The following MAP3K7 variants were observed in gnomAD, a reference collection of about 807,000 sequenced individuals.
MAP3K7 encodes the protein mitogen-activated protein kinase kinase kinase 7.
MAP3K7 carries 21 observed loss-of-function variants against 84.8 expected under a neutral mutation model. That is an observed-to-expected ratio of 0.25 (90% confidence interval 0.18 to 0.36). The LOEUF is 0.36. Ranked by LOEUF, MAP3K7 falls within the 10% of genes least tolerant of loss-of-function variation. MAP3K7 has a pLI of 1.00. For missense variants in MAP3K7, 503 were observed against 747.7 expected, an observed-to-expected ratio of 0.67 and a Z score of 3.82; for synonymous variants, 241 against 247.7, an observed-to-expected ratio of 0.97 and a Z score of 0.25.
intron 1 of MAP3K7, among the ~76,000 whole-genome samples, chr6:90,586,188 A>C (rs1042561711): frequency 6.6e-6 from 1 of 151,522 alleles, no homozygotes; most frequent in Non-Finnish European, 1.5e-5. Context: ...CTGGCTAACA[A>C]GGTGAAACCC....
chr6:90,558,888 A>C, intron 5 of MAP3K7, among the ~76,000 whole-genome samples: 1 of 152,348 alleles, frequency 6.6e-6, no homozygotes, highest in Admixed American at 6.5e-5. Context: ...AGACTCTTTT[A>C]GGAAAAGAAT....
chr6:90,520,425 G>A lies in MAP3K7; in HGVS notation c.1463-1106C>T, dbSNP rs200514862. Among the ~76,000 whole-genome samples the A allele has an allele frequency of 5.9e-5, 9 of 151,426 alleles. No individual in the cohort carries two copies. The South Asian group carries it at 6.3e-4, about 11-fold the overall frequency. ...TTGTTTTTTTAAAGCCACTGAGAAC[G>A]TGCTCTCAAGAAACTCCAAAAGCTA... On this transcript the variant is annotated intron_variant, in intron 14 of 16. Coordinates refer to ENST00000369329, the MANE Select transcript of MAP3K7 (RefSeq NM_145331.3).
At chr6:90,570,453 A>G (rs1022250877) in intron 2 of MAP3K7, among the ~76,000 whole-genome samples, 1 of 152,164 alleles carries the variant, frequency 6.6e-6, no homozygotes, top group Admixed American at 6.5e-5. Flanking sequence ...CCTTGACTTC[A>G]AACAGCTCAA....
intron 2 of MAP3K7, 72 bp downstream of exon 2, chr6:90,571,625 T>G: frequency 3.4e-6 from 3 of 889,328 alleles, no homozygotes; most frequent in Non-Finnish European, 4.9e-6. Flanking sequence ...GAAACCAATC[T>G]TTTTCATAAT....
chr6:90,584,000 A>C (rs1777363141), intron 1 of MAP3K7, among the ~76,000 whole-genome samples: 1 of 152,232 alleles, frequency 6.6e-6, no homozygotes, highest in Admixed American at 6.5e-5. Flanking sequence ...AATGTCTTAG[A>C]AATATGTATC....
At chr6:90,584,582 G>A (rs545734216) in intron 1 of MAP3K7, among the ~76,000 whole-genome samples, 31 of 152,178 alleles carry the variant, frequency 2.0e-4, no homozygotes, top group Admixed American at 1.0e-3. Context: ...AACCAGAAGC[G>A]AAATAGCTTT....
chr6:90,532,086 G>A lies in MAP3K7; in HGVS notation c.1356+4251C>T, dbSNP rs184895057. ...ACCAGAACATTTGTTTACACAAAAG[G>A]AGGTGCAGAATGAAGATGGAAAAAA... On this transcript the variant is annotated intron_variant, in intron 13 of 16. Transcript: ENST00000369329. Among the ~76,000 whole-genome samples the A allele has an allele frequency of 2.0e-5, 3 of 152,248 alleles. No individual in the cohort carries two copies. The East Asian group carries it at 5.8e-4, about 29-fold the overall frequency.
intron 13 of MAP3K7, among the ~76,000 whole-genome samples, chr6:90,530,789 C>T (rs1312544599): frequency 6.6e-6 from 1 of 152,098 alleles, no homozygotes; most frequent in East Asian, 1.9e-4. Context: ...TAACATCTGA[C>T]AATCAATGAA....
At chr6:90,586,688 C>A (rs1205300921) in intron 1 of MAP3K7, 76 bp downstream of exon 1, 2 of 1,521,320 alleles carry the variant, frequency 1.3e-6, no homozygotes, top group Admixed American at 2.1e-5. Flanking sequence ...CCGGGAGGCA[C>A]CTTCAGAGCC....
At chr6:90,525,925 G>T (rs9353741) in intron 13 of MAP3K7, among the ~76,000 whole-genome samples, 4,109 of 149,928 alleles carry the variant, frequency 0.027, 68 homozygotes, top group Middle Eastern at 0.047. Context: ...AGCTCAAGGA[G>T]GTATCGTCAA....
chr6:90,547,366 A>G lies in MAP3K7; in HGVS notation c.1102T>C (p.Leu368=), dbSNP rs1467012240. Residue 368 remains leucine (L), a synonymous_variant, in exon 11 of 17, where the codon TTG becomes CTG. Transcript: ENST00000369329. ...KQQSESGRLS[L]GASRGSSVES... is the part of the protein sequence containing the mutation. ...ACACTGCTCCCACGGGAGGCTCCCAAGCTTAAACGTCCAGATTCACTCTGT... is the reference window on the plus strand; with the variant it reads ...ACACTGCTCCCACGGGAGGCTCCCAGGCTTAAACGTCCAGATTCACTCTGT... The G allele has an allele frequency of 1.1e-5, 18 of 1,611,684 alleles. No homozygotes were observed. Among genetic ancestry groups the G allele is most frequent in the African/African-American group, 1.3e-5 (1 of 74,774 alleles).
At chr6:90,571,481 A>AT (rs1387004003) in intron 2 of MAP3K7, among the ~76,000 whole-genome samples, 1 of 152,124 alleles carries the variant, frequency 6.6e-6, no homozygotes, top group Non-Finnish European at 1.5e-5. Context: ...GGGTGAATTC[A>AT]TTTATGTAGT....
intron 1 of MAP3K7, among the ~76,000 whole-genome samples, chr6:90,573,284 G>A (rs1377014684): frequency 2.0e-5 from 3 of 152,098 alleles, no homozygotes; most frequent in African/African-American, 7.2e-5. Flanking sequence ...TCCCTTGGAG[G>A]AACTTTTACT....
intron 12 of MAP3K7, among the ~76,000 whole-genome samples, chr6:90,538,698 G>T (rs1775754773): frequency 6.6e-6 from 1 of 151,764 alleles, no homozygotes; most frequent in Non-Finnish European, 1.5e-5. Context: ...TCTTTTTACA[G>T]TAATGTCATT....
At chr6:90,577,715 CG>C (rs1412952124) in intron 1 of MAP3K7, among the ~76,000 whole-genome samples, 1 of 152,152 alleles carries the variant, frequency 6.6e-6, no homozygotes, top group Non-Finnish European at 1.5e-5. Context: ...GTGTGGTCTC[CG>C]GTTCAGCAGT....
Position 90,519,423 on chromosome 6 carries a change from A to G in MAP3K7, c.1463-104T>C, listed in dbSNP as rs936156766. On this transcript the variant is annotated intron_variant, in intron 14 of 16. Coordinates refer to ENST00000369329, the MANE Select transcript of MAP3K7 (RefSeq NM_145331.3). ...GCTTTTTTTCCCTAAAGTAAATAAT[A>G]TGTAAATTAAAAGTTACAGCTATTG... 3 of 707,578 alleles carry G rather than the reference A, an allele frequency of 4.2e-6. No individual in the cohort carries two copies. The African/African-American group carries it at 5.7e-5, about 14-fold the overall frequency. The allele number at this position is 707,578 out of a possible 1,614,324, so 43.8% of individuals were successfully genotyped here. A position where few individuals can be genotyped will look rare whatever the true frequency, so the allele number is the denominator to read the frequency against.
At chr6:90,536,540 A>T in intron 12 of MAP3K7, 139 bp from the exon 13 acceptor site, 1 of 602,522 alleles carries the variant, frequency 1.7e-6, no homozygotes, top group Non-Finnish European at 2.9e-6. Context: ...AAGTGAGTTT[A>T]TTGCTAAGAA....
chr6:90,560,462 A>C (rs1336457517), intron 4 of MAP3K7, among the ~76,000 whole-genome samples: 1 of 152,150 alleles, frequency 6.6e-6, no homozygotes. Flanking sequence ...CCTGGGTTCA[A>C]GCGATTCTCC....
chr6:90,562,224 T>G (rs575316590), intron 3 of MAP3K7, among the ~76,000 whole-genome samples: 1 of 152,292 alleles, frequency 6.6e-6, no homozygotes, highest in Non-Finnish European at 1.5e-5. Context: ...TCACTGGGGC[T>G]TGTCAGACAG....
Sources: gnomAD v4.1 joint callset for allele counts (sites outside exome capture counted in the v4.1 genomes callset) on GRCh38, gnomAD v4.1.1 for gene constraint, MANE v1.5 for transcripts, NCBI Gene and HGNC (gene_info 2026-07-23, HGNC 2026-07-21) for gene names.